The following HS2ST1 variants were observed in gnomAD, a reference collection of about 807,000 sequenced individuals.
The protein encoded by HS2ST1 is heparan sulfate 2-O-sulfotransferase 1.
A neutral mutation model predicts 42.9 loss-of-function variants in HS2ST1; 18 were observed. That is an observed-to-expected ratio of 0.42 (90% CI 0.29 to 0.62). HS2ST1 has a LOEUF of 0.62. Among genes scored for constraint, HS2ST1 ranks in the 20% least tolerant of loss-of-function variants. The pLI, the probability that HS2ST1 is intolerant of heterozygous loss-of-function variation, is 0.21. For missense variants in HS2ST1, 334 were observed against 433.8 expected (o/e 0.77, Z 2.04); for synonymous variants, 146 against 152.9 (o/e 0.95, Z 0.33).
intron 1 of HS2ST1, among the ~76,000 whole-genome samples, chr1:86,967,757 C>A (rs944677322): frequency 1.1e-4 from 16 of 152,226 alleles, no homozygotes; most frequent in Non-Finnish European, 4.4e-5. Context: ...CTGCAACAAA[C>A]ATTTATGTGC....
intron 1 of HS2ST1, among the ~76,000 whole-genome samples, chr1:86,955,381 G>T (rs1188969559): frequency 6.6e-6 from 1 of 152,158 alleles, no homozygotes; most frequent in African/African-American, 2.4e-5. Flanking sequence ...AATTGCGCTT[G>T]CGAGGAGGGA....
chr1:87,061,591 A>G (rs1651123683), intron 1 of HS2ST1, among the ~76,000 whole-genome samples: 1 of 152,114 alleles, frequency 6.6e-6, no homozygotes, highest in Admixed American at 6.6e-5. Flanking sequence ...CTATAGTTGC[A>G]TAATATTCTA....
At chr1:86,991,052 C>T (rs998147906) in intron 1 of HS2ST1, among the ~76,000 whole-genome samples, 39 of 150,798 alleles carry the variant, frequency 2.6e-4, no homozygotes, top group African/African-American at 6.3e-4. Flanking sequence ...AGCTCAAAAC[C>T]GCAAAATCTT....
chr1:86,964,704 A>G (rs1287715373), intron 1 of HS2ST1, among the ~76,000 whole-genome samples: 1 of 152,228 alleles, frequency 6.6e-6, no homozygotes, highest in Non-Finnish European at 1.5e-5. Flanking sequence ...ATCTTTAAGA[A>G]TATTCTTTAG....
intron 1 of HS2ST1, among the ~76,000 whole-genome samples, chr1:86,992,216 CT>C (rs1453320336): frequency 6.6e-6 from 1 of 151,902 alleles, no homozygotes; most frequent in Non-Finnish European, 1.5e-5. Flanking sequence ...TCCTCCACCC[CT>C]GTTCTGTGAA....
At chr1:87,026,663 A>G (rs570834273) in intron 1 of HS2ST1, among the ~76,000 whole-genome samples, 1 of 152,264 alleles carries the variant, frequency 6.6e-6, no homozygotes, top group African/African-American at 2.4e-5. Context: ...TCTATGCCCT[A>G]AGTTCATTGG....
intron 1 of HS2ST1, among the ~76,000 whole-genome samples, chr1:87,070,898 G>C (rs1045685646): frequency 6.6e-6 from 1 of 151,910 alleles, no homozygotes; most frequent in Non-Finnish European, 1.5e-5. Flanking sequence ...TATTGTCTAG[G>C]CAGCTGTCTA....
At position 87,097,882 on chromosome 1, in the gene HS2ST1, A is replaced by G. The variant is rs1339044805; in HGVS notation, c.633A>G (p.Pro211=). 6.2e-7 allele frequency: 1 copy of G among 1,614,112 alleles called. No homozygotes were observed. Among genetic ancestry groups the G allele is most frequent in the Non-Finnish European group, 8.5e-7 (1 of 1,179,950 alleles). ...CAGAAGGTGGCTCAGACTGTGCTCCAGAGAAGCTCTGGCTTCAAATCCCGT... is the reference window on the plus strand; with the variant it reads ...CAGAAGGTGGCTCAGACTGTGCTCCGGAGAAGCTCTGGCTTCAAATCCCGT... ...CVAEGGSDCA[P]EKLWLQIPFF... The change falls in exon 5 of 7, where the codon CCA becomes CCG. Residue 211 remains proline, a synonymous_variant. Coordinates refer to ENST00000370550, the MANE Select transcript of HS2ST1 (RefSeq NM_012262.4).
intron 2 of HS2ST1, among the ~76,000 whole-genome samples, chr1:87,078,857 G>T (rs1016684739): frequency 2.6e-5 from 4 of 152,172 alleles, no homozygotes; most frequent in African/African-American, 9.7e-5. Flanking sequence ...AGCAAGTGGT[G>T]CAGGGAGGTG....
chr1:87,057,224 T>C (rs1650991972), intron 1 of HS2ST1, among the ~76,000 whole-genome samples: 1 of 152,240 alleles, frequency 6.6e-6, no homozygotes. Context: ...TCAATTTTAA[T>C]TACTAATGTG....
In HS2ST1 at chr1:87,102,596, T is replaced by C. The variant is rs1485968687; in HGVS notation, c.687-836T>C. Among the ~76,000 whole-genome samples the C allele has an allele frequency of 5.3e-5, 8 of 152,186 alleles. No homozygotes were observed. In the South Asian group the frequency reaches 1.2e-3, roughly 24 times the overall value. ...CCTAAAATATTTATCCTCTGGCCTT[T>C]TATATAAAAAGTTTGCCAATCCCTG... On this transcript the variant is annotated intron_variant, in intron 5 of 6. Coordinates refer to ENST00000370550, the MANE Select transcript of HS2ST1 (RefSeq NM_012262.4).
At chr1:86,949,649 A>AT (rs1647444885) in intron 1 of HS2ST1, among the ~76,000 whole-genome samples, 1 of 152,224 alleles carries the variant, frequency 6.6e-6, no homozygotes, top group Non-Finnish European at 1.5e-5. Flanking sequence ...TTTAAAGTAA[A>AT]TTAAAAATTC....
intron 2 of HS2ST1, among the ~76,000 whole-genome samples, chr1:87,077,894 C>T (rs1046054651): frequency 3.9e-5 from 6 of 152,174 alleles, no homozygotes; most frequent in Non-Finnish European, 7.3e-5. Flanking sequence ...GCCCTACACT[C>T]CTAAAACAGG....
intron 1 of HS2ST1, among the ~76,000 whole-genome samples, chr1:86,951,337 G>A (rs1185083458): frequency 1.3e-5 from 2 of 152,082 alleles, no homozygotes; most frequent in Non-Finnish European, 2.9e-5. Flanking sequence ...TATAAAAACA[G>A]GCGTATCTCA....
intron 1 of HS2ST1, among the ~76,000 whole-genome samples, chr1:87,041,707 T>C (rs1650529511): frequency 6.6e-6 from 1 of 152,200 alleles, no homozygotes; most frequent in Non-Finnish European, 1.5e-5. Flanking sequence ...TGTGACTGGC[T>C]TATTTCACTT....
chr1:87,101,272 TCTC>T (rs1439277369), intron 5 of HS2ST1, among the ~76,000 whole-genome samples: 1 of 148,280 alleles, frequency 6.7e-6, no homozygotes, highest in Non-Finnish European at 1.5e-5. Context: ...CTCAGGCAAT[TCTC>T]CTGCCTCAGC....
At chr1:87,056,711 A>G (rs1295609049) in intron 1 of HS2ST1, among the ~76,000 whole-genome samples, 1 of 152,178 alleles carries the variant, frequency 6.6e-6, no homozygotes, top group East Asian at 1.9e-4. Context: ...TAAATTGTAT[A>G]ATTTTTATTA....
intron 1 of HS2ST1, among the ~76,000 whole-genome samples, chr1:87,066,229 A>C (rs767880504): frequency 2.6e-5 from 4 of 152,242 alleles, no homozygotes; most frequent in Non-Finnish European, 5.9e-5. Context: ...GTTTGTTGCT[A>C]ATCTGACACG....
intron 1 of HS2ST1, among the ~76,000 whole-genome samples, chr1:86,938,187 G>A (rs1660694479): frequency 6.6e-6 from 1 of 152,102 alleles, no homozygotes; most frequent in Admixed American, 6.5e-5. Flanking sequence ...GAGATGGACT[G>A]TATTTAGAGA....
Sources: gnomAD v4.1 joint callset for allele counts (sites outside exome capture counted in the v4.1 genomes callset) on GRCh38, gnomAD v4.1.1 for gene constraint, MANE v1.5 for transcripts, NCBI Gene and HGNC (gene_info 2026-07-23, HGNC 2026-07-21) for gene names.